ITPR2: variants seen among roughly 807,000 people sequenced by gnomAD.
The protein encoded by ITPR2 is inositol 1,4,5-trisphosphate-gated calcium channel ITPR2.
A neutral mutation model predicts 317.1 loss-of-function variants in ITPR2; 207 were observed. The observed-to-expected ratio is 0.65, with a 90% CI of 0.58 to 0.73. ITPR2 has a LOEUF of 0.73. ITPR2 is among the 30% of genes least tolerant of loss of function. The pLI, the probability that ITPR2 is intolerant of heterozygous loss-of-function variation, is 0.00. For synonymous variants in ITPR2, 1,156 were observed against 1,149.1 expected, an observed-to-expected ratio of 1.01 and a Z score of -0.12; for missense variants, 2,613 against 3,284.0, an observed-to-expected ratio of 0.80 and a Z score of 4.99.
intron 21 of ITPR2, among the ~76,000 whole-genome samples, chr12:26,644,657 C>T (rs1282424506): frequency 2.6e-5 from 4 of 152,068 alleles, no homozygotes; most frequent in Non-Finnish European, 5.9e-5. Flanking sequence ...ATGAGACTTA[C>T]TCACTAACAC....
At chr12:26,628,717 C>A (rs897509286) in intron 22 of ITPR2, among the ~76,000 whole-genome samples, 2 of 152,120 alleles carry the variant, frequency 1.3e-5, no homozygotes, top group Non-Finnish European at 2.9e-5. Flanking sequence ...CATGGATGCA[C>A]GGACAGAAAC....
At chr12:26,504,417 T>C (rs893148587) in intron 37 of ITPR2, among the ~76,000 whole-genome samples, 18 of 152,076 alleles carry the variant, frequency 1.2e-4, no homozygotes, top group African/African-American at 4.3e-4. Flanking sequence ...TTATAAATCA[T>C]TAAGAATCTT....
intron 45 of ITPR2, among the ~76,000 whole-genome samples, chr12:26,465,791 C>T (rs1271162380): frequency 4.6e-5 from 7 of 152,194 alleles, no homozygotes; most frequent in African/African-American, 9.6e-5. Flanking sequence ...GCCTCCTTTC[C>T]GTATCCCGTG....
chr12:26,671,616 C>T (rs1201088885), intron 13 of ITPR2, among the ~76,000 whole-genome samples: 4 of 152,128 alleles, frequency 2.6e-5, no homozygotes, highest in Admixed American at 6.5e-5. Context: ...TAAAGACCAT[C>T]GAGACTAGGA....
chr12:26,527,847 T>C (rs184251017), intron 37 of ITPR2, among the ~76,000 whole-genome samples: 2 of 152,308 alleles, frequency 1.3e-5, no homozygotes, highest in Admixed American at 6.5e-5. Context: ...GAAAGGTCAA[T>C]AGGGAAGTGC....
intron 55 of ITPR2, among the ~76,000 whole-genome samples, chr12:26,384,420 A>G (rs557555903): frequency 6.6e-6 from 1 of 152,200 alleles, no homozygotes; most frequent in South Asian, 2.1e-4. Context: ...TCAGGAATGG[A>G]GCTTGTTCTC....
intron 37 of ITPR2, among the ~76,000 whole-genome samples, chr12:26,509,288 G>T (rs1030005919): frequency 1.3e-5 from 2 of 152,174 alleles, no homozygotes; most frequent in Non-Finnish European, 2.9e-5. Context: ...TCTTTTAGGG[G>T]TGATGAAAAT....
intron 1 of ITPR2, among the ~76,000 whole-genome samples, chr12:26,799,936 T>A (rs35024516): frequency 1.3e-5 from 2 of 152,132 alleles, no homozygotes; most frequent in Non-Finnish European, 2.9e-5. Flanking sequence ...TCATTGGTGC[T>A]AGAAAAAGTG....
At chr12:26,718,013 C>T (rs1171618285) in intron 5 of ITPR2, among the ~76,000 whole-genome samples, 1 of 152,152 alleles carries the variant, frequency 6.6e-6, no homozygotes, top group Non-Finnish European at 1.5e-5. Flanking sequence ...GAGCTTGATG[C>T]CACATTTTGC....
At chr12:26,790,507 A>G (rs1675505942) in intron 1 of ITPR2, among the ~76,000 whole-genome samples, 1 of 152,134 alleles carries the variant, frequency 6.6e-6, no homozygotes. Context: ...ACTACATTAA[A>G]CAAAATGCAC....
At chr12:26,586,306 A>G (rs781268168) in intron 32 of ITPR2, among the ~76,000 whole-genome samples, 3 of 151,430 alleles carry the variant, frequency 2.0e-5, no homozygotes, top group Non-Finnish European at 4.4e-5. Context: ...CACCATGCCG[A>G]GCTTATTTTT....
rs144695615 is a variant in ITPR2, at chr12:26,693,043, G to C, written c.996+2563C>G. Among the ~76,000 whole-genome samples, 15 of 152,248 alleles carry C rather than the reference G, an allele frequency of 9.9e-5. No individual in the cohort carries two copies. The East Asian group carries it at 2.9e-3, about 29-fold the overall frequency. On this transcript the variant is annotated intron_variant, in intron 10 of 56. Transcript: ENST00000381340. ...GTTCTATAAAATAGGAAGCCATATT[G>C]TTAGCTTTATGGCTCCACATTCTCA...
At chr12:26,820,226 T>A (rs1950918860) in intron 1 of ITPR2, among the ~76,000 whole-genome samples, 1 of 152,154 alleles carries the variant, frequency 6.6e-6, no homozygotes, top group Non-Finnish European at 1.5e-5. Context: ...ACAACTCCCA[T>A]CCATTTTAAA....
chr12:26,523,875 A>C (rs1943734637), intron 37 of ITPR2, among the ~76,000 whole-genome samples: 1 of 152,210 alleles, frequency 6.6e-6, no homozygotes, highest in Non-Finnish European at 1.5e-5. Flanking sequence ...AGTGCCAGAC[A>C]CTGCAGGCGT....
At chr12:26,790,988 A>G (rs1246298829) in intron 1 of ITPR2, among the ~76,000 whole-genome samples, 1 of 152,274 alleles carries the variant, frequency 6.6e-6, no homozygotes, top group Non-Finnish European at 1.5e-5. Context: ...AATAAAATCA[A>G]GAATCTTGTG....
chr12:26,607,189 T>C (rs1946151153), intron 26 of ITPR2, among the ~76,000 whole-genome samples: 1 of 152,200 alleles, frequency 6.6e-6, no homozygotes, highest in Non-Finnish European at 1.5e-5. Context: ...TCTGTACTGG[T>C]AGCCTTCTCT....
intron 5 of ITPR2, 107 bp downstream of exon 5, chr12:26,722,290 T>G: frequency 4.3e-6 from 4 of 938,518 alleles, no homozygotes; most frequent in Non-Finnish European, 6.3e-6. Flanking sequence ...AATCAGGTAT[T>G]GAGTAAAAAC....
intron 13 of ITPR2, among the ~76,000 whole-genome samples, chr12:26,672,192 A>AAT (rs1314647898): frequency 2.0e-5 from 3 of 151,964 alleles, no homozygotes; most frequent in African/African-American, 7.3e-5. Context: ...GCTCTGCACC[A>AAT]AGCAGACCTA....
intron 2 of ITPR2, among the ~76,000 whole-genome samples, chr12:26,783,028 T>C (rs1259612395): frequency 1.3e-5 from 2 of 152,270 alleles, no homozygotes; most frequent in Middle Eastern, 3.4e-3. Context: ...GTAACCTCCA[T>C]GAGCAGAGGC....
Sources: gnomAD v4.1 joint callset for allele counts (sites outside exome capture counted in the v4.1 genomes callset) on GRCh38, gnomAD v4.1.1 for gene constraint, MANE v1.5 for transcripts, NCBI Gene and HGNC (gene_info 2026-07-23, HGNC 2026-07-21) for gene names.